PXDN: variants seen among roughly 807,000 people sequenced by gnomAD.
PXDN encodes peroxidasin.
PXDN carries 77 observed loss-of-function variants against 140.3 expected under a neutral mutation model. The observed-to-expected ratio is 0.55, with a 90% CI of 0.46 to 0.66. The LOEUF (loss-of-function observed/expected upper bound fraction) is 0.66, where lower values mean the gene tolerates loss of function less well. Ranked by LOEUF, PXDN falls within the 30% of genes least tolerant of loss-of-function variation. The pLI is 0.00. For missense variants in PXDN, 1,838 were observed against 2,039.5 expected (o/e 0.90, Z 1.90); for synonymous variants, 911 against 857.4 (o/e 1.06, Z -1.09).
At chr2:1,726,345 G>A (rs1353517853) in intron 1 of PXDN, among the ~76,000 whole-genome samples, 11 of 147,030 alleles carry the variant, frequency 7.5e-5, no homozygotes, top group South Asian at 4.4e-4. Flanking sequence ...ACCAAACACC[G>A]CATATTCTCA....
chr2:1,663,671 C>T lies in PXDN; in HGVS notation c.1501G>A (p.Glu501Lys), dbSNP rs755687776. The T allele has an allele frequency of 7.4e-6, 12 of 1,614,018 alleles. No individual in the cohort carries two copies. Among genetic ancestry groups the T allele is most frequent in the South Asian group, 1.1e-5 (1 of 91,090 alleles). ...CCGATGATGTTGACAGCCTGGCATT[C>T]GTACTGGCCCTGGTCGTGGAGGGCA... ...GVALHDQGQY[E>K]CQAVNIIGSQ... is the part of the protein sequence containing the mutation. Residue 501 changes from glutamate to lysine, a missense_variant, in exon 12 of 23, where the codon GAA (glutamate) becomes AAA (lysine). By Grantham distance (56) the Glu-to-Lys change is moderately conservative. Coordinates refer to ENST00000252804, the MANE Select transcript of PXDN (RefSeq NM_012293.3).
chr2:1,702,277 C>G (rs549013811), intron 1 of PXDN, among the ~76,000 whole-genome samples: 4 of 152,292 alleles, frequency 2.6e-5, no homozygotes, highest in Admixed American at 2.6e-4. Context: ...TCCTGCCCAT[C>G]CTCTCCCCCT....
chr2:1,634,036 CT>C lies in PXDN; in HGVS notation c.*167del. 9.8e-7 allele frequency: 1 copy of C among 1,021,698 alleles called. No homozygotes were observed. Among genetic ancestry groups the C allele is most frequent in the Non-Finnish European group, 1.4e-6 (1 of 740,096 alleles). 63.3% of individuals were successfully genotyped at this position (1,021,698 alleles called of 1,614,324 possible). ...CTGTGCCTCCTTCTCCGCAGATGCT[CT>C]GGTTGGAAGCCTCCTGCACTGCCTT... On this transcript the variant is annotated 3_prime_UTR_variant, in exon 23 of 23. Transcript: ENST00000252804.
At chr2:1,673,989 G>T (rs1054791542) in intron 8 of PXDN, among the ~76,000 whole-genome samples, 177 bp from the exon 9 acceptor site, 9 of 152,236 alleles carry the variant, frequency 5.9e-5, no homozygotes, top group Admixed American at 5.9e-4. Context: ...TCTGAAAAGG[G>T]GACCGTGTAT....
At chr2:1,640,076 C>T in intron 19 of PXDN, among the ~76,000 whole-genome samples, 1 of 145,164 alleles carries the variant, frequency 6.9e-6, no homozygotes, top group Non-Finnish European at 1.5e-5. Context: ...CCGTGTCCCT[C>T]CTGGTCCCCG....
intron 21 of PXDN, chr2:1,636,736 G>T (rs993862591): frequency 3.3e-5 from 5 of 152,004 alleles, no homozygotes; most frequent in African/African-American, 4.8e-5. Flanking sequence ...GTGGCACAGG[G>T]GCCAGAGAGC....
At position 1,635,425 on chromosome 2, in the gene PXDN, T is replaced by A. The variant is rs1212993226; in HGVS notation, c.4303A>T (p.Thr1435Ser). The A allele has an allele frequency of 6.3e-7, 1 of 1,591,758 alleles. No individual in the cohort carries two copies. The highest frequency in any genetic ancestry group is 2.3e-5 in the East Asian group (1 of 44,246). ...NNTKWKKDAC[T>S]ICECKDGQVT... ...ATACTCACTTTGCATTCACAAATGGTGCATGCATCTTTTTTCCACTTGGTG... is the reference window on the plus strand; with the variant it reads ...ATACTCACTTTGCATTCACAAATGGAGCATGCATCTTTTTTCCACTTGGTG... The change falls in exon 22 of 23, where the codon ACC becomes TCC. Residue 1435 changes from threonine (T) to serine (S), a missense_variant. Coordinates refer to ENST00000252804, the MANE Select transcript of PXDN (RefSeq NM_012293.3).
rs570607324 is a variant in PXDN, at chr2:1,731,143, A to C, written c.200+13113T>G. Reference sequence around the variant, plus strand: ...TCCTTGCCAACAGAACACTGTTGAGAGCGCGCGCGCACACACACACACACA... The same window carrying C: ...TCCTTGCCAACAGAACACTGTTGAGCGCGCGCGCGCACACACACACACACA... On this transcript the variant is annotated intron_variant, in intron 1 of 22. Coordinates refer to ENST00000252804, the MANE Select transcript of PXDN (RefSeq NM_012293.3). 4.6e-3 allele frequency among the ~76,000 whole-genome samples: 526 copies of C among 114,396 alleles called. 3 individuals are homozygous for C. Among genetic ancestry groups the C allele is most frequent in the African/African-American group, 0.015 (506 of 33,712 alleles). 75.0% of individuals were successfully genotyped at this position (114,396 alleles called of 152,430 possible).
At chr2:1,741,617 G>A (rs1479696819) in intron 1 of PXDN, among the ~76,000 whole-genome samples, 1 of 152,184 alleles carries the variant, frequency 6.6e-6, no homozygotes, top group African/African-American at 2.4e-5. Flanking sequence ...GGAGCAATAA[G>A]ATGTTTTCCA....
In PXDN at chr2:1,714,004, A is replaced by C. The variant is rs1684841413; in HGVS notation, c.201-20870T>G. 6.6e-6 allele frequency among the ~76,000 whole-genome samples: 1 copy of C among 152,160 alleles called. No individual in the cohort carries two copies. Among genetic ancestry groups the C allele is most frequent in the South Asian group, 2.1e-4 (1 of 4,832 alleles). ...GGGTCTCAAGGGACAGTGAAGTTTC[A>C]TGTCACCCTGAAACATGGCCCAGCC... On this transcript the variant is annotated intron_variant, in intron 1 of 22. Coordinates refer to ENST00000252804, the MANE Select transcript of PXDN (RefSeq NM_012293.3). This position sits in a 1 kb window ranked among gnomAD's most constrained non-coding sequence, Gnocchi z 4.3.
chr2:1,632,115 T>C lies in PXDN; in HGVS notation c.*2089A>G, dbSNP rs1381103319. ...TGCCCACTGTTCTGATTACAGAGAGTATCAAACTGGTGATTCCGCAGACAT... is the reference window on the plus strand; with the variant it reads ...TGCCCACTGTTCTGATTACAGAGAGCATCAAACTGGTGATTCCGCAGACAT... On this transcript the variant is annotated 3_prime_UTR_variant, in exon 23 of 23. Coordinates refer to ENST00000252804, the MANE Select transcript of PXDN (RefSeq NM_012293.3). The surrounding 1 kb of genome is among the most constrained non-coding windows in gnomAD (Gnocchi z 4.3). 1 of 152,388 alleles carries C rather than the reference T, an allele frequency of 6.6e-6. No individual in the cohort carries two copies. Among genetic ancestry groups the C allele is most frequent in the Non-Finnish European group, 1.5e-5 (1 of 68,024 alleles). The allele number at this position is 152,388 out of a possible 1,614,324, so 9.4% of individuals were successfully genotyped here. A position where few individuals can be genotyped will look rare whatever the true frequency, so the allele number is the denominator to read the frequency against.
At chr2:1,729,278 A>G (rs1685259141) in intron 1 of PXDN, among the ~76,000 whole-genome samples, 1 of 152,132 alleles carries the variant, frequency 6.6e-6, no homozygotes, top group East Asian at 1.9e-4. Flanking sequence ...AAACATGAGC[A>G]CTTACACAGG....
At chr2:1,713,810 C>T (rs561111382) in intron 1 of PXDN, among the ~76,000 whole-genome samples, 3 of 152,384 alleles carry the variant, frequency 2.0e-5, no homozygotes, top group East Asian at 1.9e-4. Flanking sequence ...TGCTGCAGAG[C>T]ACTGCATCTC....
At position 1,643,488 on chromosome 2, in the gene PXDN, C is replaced by T. The variant is rs567182921; in HGVS notation, c.3832G>A (p.Ala1278Thr). The T allele has an allele frequency of 5.1e-5, 82 of 1,613,970 alleles. No homozygotes were observed. In the South Asian group the frequency reaches 6.5e-4, roughly 13 times the overall value. The part of the protein sequence containing the change: ...TSLARILCDN[A>T]DNITRVQSDV... Reference sequence around the variant, plus strand: ...CTCTGCACCCGGGTGATGTTGTCCGCGTTGTCGCATAGGATCCTGGCCAGC... The same window carrying T: ...CTCTGCACCCGGGTGATGTTGTCCGTGTTGTCGCATAGGATCCTGGCCAGC... Residue 1278 changes from alanine to threonine, a missense_variant, in exon 19 of 23, where the codon GCG becomes ACG. Ala to Thr is a moderately conservative substitution (Grantham distance 58, BLOSUM62 0). This residue lies in a region of PXDN where 850 missense variants were observed against 894.1 expected (regional missense o/e 0.95). Transcript: ENST00000252804.
Position 1,649,274 on chromosome 2 carries a change from G to A in PXDN, c.2506C>T (p.Leu836=). 1 of 1,613,316 alleles carries A rather than the reference G, an allele frequency of 6.2e-7. No individual in the cohort carries two copies. The highest frequency in any genetic ancestry group is 8.5e-7 in the Non-Finnish European group (1 of 1,179,778). ...DHDLDSTVVA[L]SQARFSDGQH... is the part of the protein sequence containing the mutation. The stretch of plus-strand genomic sequence containing the variant: ...CCGTCGGAGAAGCGTGCCTGGCTCA[G>A]GGCCACCACCGTGGAGTCGAGGTCG... The change falls in exon 17 of 23, where the codon CTG becomes TTG. Residue 836 remains leucine (L), a synonymous_variant. Coordinates refer to ENST00000252804, the MANE Select transcript of PXDN (RefSeq NM_012293.3). The surrounding 1 kb of genome is among the most constrained non-coding windows in gnomAD (Gnocchi z 7.1).
At chr2:1,722,849 C>T (rs946422943) in intron 1 of PXDN, among the ~76,000 whole-genome samples, 3 of 152,254 alleles carry the variant, frequency 2.0e-5, no homozygotes, top group African/African-American at 7.2e-5. Flanking sequence ...TTCTGGACCA[C>T]AAGCACCTGA....
chr2:1,716,674 A>G (rs972581498), intron 1 of PXDN, among the ~76,000 whole-genome samples: 1 of 152,100 alleles, frequency 6.6e-6, no homozygotes, highest in African/African-American at 2.4e-5. Flanking sequence ...GGCACCTGCA[A>G]TCACGTGGTG....
At position 1,673,742 on chromosome 2, in the gene PXDN, T is replaced by C; in HGVS notation, c.919A>G (p.Thr307Ala). ...TAGATACCCTGGTCTGTCTCCTGTG[T>C]GTTCTGGATCATCAGGGTCCCATCG... ...LDDGTLMIQN[T>A]QETDQGIYQC... Residue 307 changes from threonine (T) to alanine (A), a missense_variant, in exon 9 of 23, where the codon ACA (threonine) becomes GCA (alanine). Thr to Ala is a moderately conservative substitution (Grantham distance 58, BLOSUM62 0). Around this residue, in one of 5 missense-constraint regions of PXDN, gnomAD observed 208 missense variants for 325.8 expected, o/e 0.64. Transcript: ENST00000252804. 6.2e-7 allele frequency: 1 copy of C among 1,614,006 alleles called. No homozygotes were observed.
intron 11 of PXDN, 107 bp from the exon 12 acceptor site, chr2:1,663,870 G>A (rs146567930): frequency 2.2e-5 from 32 of 1,444,722 alleles, no homozygotes; most frequent in East Asian, 1.1e-4. Context: ...GGGTCGGGGC[G>A]CCGGATAATT....
Sources: gnomAD v4.1 joint callset for allele counts (sites outside exome capture counted in the v4.1 genomes callset) on GRCh38, gnomAD v4.1.1 for gene constraint, gnomAD v4.1.1 regional missense constraint, Gnocchi (gnomAD v3.1) non-coding constraint, MANE v1.5 for transcripts, NCBI Gene and HGNC (gene_info 2026-07-23, HGNC 2026-07-21) for gene names.